Variants in PARD3B observed in about 807,000 individuals in gnomAD.
PARD3B encodes par-3 family cell polarity regulator beta.
PARD3B carries 103 observed loss-of-function variants against 130.2 expected under a neutral mutation model. The observed-to-expected ratio is 0.79, with a 90% CI of 0.67 to 0.93. The LOEUF is 0.93. PARD3B is among the 40% of genes least tolerant of loss of function. The pLI is 0.00. For missense variants in PARD3B, 1,609 were observed against 1,499.2 expected (o/e 1.07, Z -1.21); for synonymous variants, 583 against 553.2 (o/e 1.05, Z -0.76).
intron 2 of PARD3B, among the ~76,000 whole-genome samples, chr2:204,760,490 C>G (rs1158042308): frequency 1.3e-5 from 2 of 151,936 alleles, no homozygotes; most frequent in African/African-American, 4.8e-5. Flanking sequence ...ATTAAAAAAT[C>G]ATGACTTTAC....
chr2:204,784,047 C>G (rs2041927716), intron 2 of PARD3B, among the ~76,000 whole-genome samples: 1 of 151,978 alleles, frequency 6.6e-6, no homozygotes, highest in Non-Finnish European at 1.5e-5. Flanking sequence ...AGAATAGAAT[C>G]AACGACCTAG....
chr2:204,729,955 C>G (rs1437962810), intron 2 of PARD3B, among the ~76,000 whole-genome samples: 1 of 149,556 alleles, frequency 6.7e-6, no homozygotes, highest in South Asian at 2.1e-4. Context: ...TTATGTAAAG[C>G]ATTATTCTTT....
At chr2:205,069,220 A>T (rs1158763394) in intron 4 of PARD3B, among the ~76,000 whole-genome samples, 2 of 152,012 alleles carry the variant, frequency 1.3e-5, no homozygotes, top group African/African-American at 4.8e-5. Context: ...GTAATTTTTC[A>T]TTAAATCCTA....
rs78774559 is a variant in PARD3B at position 204,781,113 on chromosome 2, A to G, written c.222+94831A>G. Among the ~76,000 whole-genome samples, 1,125 of 152,182 alleles carry G rather than the reference A, an allele frequency of 7.4e-3. 12 individuals are homozygous for G. The highest frequency in any genetic ancestry group is 0.026 in the African/African-American group (1,063 of 41,534). ...ATTTCAGTGGTATGTAATGATAATGATTTGCTTCCATGTTACAACATGTGA... is the reference window on the plus strand; with the variant it reads ...ATTTCAGTGGTATGTAATGATAATGGTTTGCTTCCATGTTACAACATGTGA... On this transcript the variant is annotated intron_variant, in intron 2 of 22. Transcript: ENST00000406610.
intron 21 of PARD3B, among the ~76,000 whole-genome samples, chr2:205,523,243 T>G (rs5025556): frequency 1.3e-4 from 19 of 144,322 alleles, no homozygotes; most frequent in African/African-American, 3.3e-4. Context: ...ATATATATAT[T>G]TATATATATA....
intron 18 of PARD3B, among the ~76,000 whole-genome samples, chr2:205,302,921 T>A (rs1453164360): frequency 2.0e-5 from 3 of 152,202 alleles, no homozygotes; most frequent in Non-Finnish European, 2.9e-5. Flanking sequence ...GAGATATGAT[T>A]TCATATGCTA....
rs1490667293 is a variant in PARD3B at position 205,125,787 on chromosome 2, C to T, written c.1434+50C>T. 6.2e-7 allele frequency: 1 copy of T among 1,603,582 alleles called. No homozygotes were observed. The highest frequency in any genetic ancestry group is 2.2e-5 in the East Asian group (1 of 44,704). ...TGAATTTTTAATGCCGAGCTTAATA[C>T]ACTCAATGAACTCATTATAGCTGAG... On this transcript the variant is annotated intron_variant, in intron 10 of 22. Transcript: ENST00000406610. The surrounding 1 kb of genome is among the most constrained non-coding windows in gnomAD (Gnocchi z 4.0).
intron 7 of PARD3B, among the ~76,000 whole-genome samples, 190 bp downstream of exon 7, chr2:205,119,236 A>G (rs970060860): frequency 9.9e-5 from 15 of 152,154 alleles, no homozygotes; most frequent in African/African-American, 3.6e-4. Context: ...TGTCTCTGGC[A>G]GGTCTGAGAA....
chr2:204,554,225 C>T (rs897392072), intron 1 of PARD3B, among the ~76,000 whole-genome samples: 16 of 152,046 alleles, frequency 1.1e-4, no homozygotes, highest in African/African-American at 3.9e-4. Flanking sequence ...TCTCTCTCTG[C>T]TTACAGTAAT....
At chr2:204,827,750 G>T (rs2043640394) in intron 2 of PARD3B, among the ~76,000 whole-genome samples, 1 of 152,204 alleles carries the variant, frequency 6.6e-6, no homozygotes, top group African/African-American at 2.4e-5. Flanking sequence ...TTTTGAAATA[G>T]ATTAAAATTA....
intron 2 of PARD3B, among the ~76,000 whole-genome samples, chr2:204,886,100 G>T (rs1349742103): frequency 6.6e-6 from 1 of 152,078 alleles, no homozygotes; most frequent in African/African-American, 2.4e-5. Flanking sequence ...ATTTGAACAT[G>T]TTCAATTTTG....
chr2:205,602,604 TTA>T (rs1199190226), intron 22 of PARD3B, among the ~76,000 whole-genome samples: 1 of 152,026 alleles, frequency 6.6e-6, no homozygotes, highest in Non-Finnish European at 1.5e-5. Flanking sequence ...CTTGGGAGGG[TTA>T]TGTGTCCAGG....
intron 4 of PARD3B, among the ~76,000 whole-genome samples, chr2:205,095,263 A>G (rs1411249158): frequency 6.6e-6 from 1 of 152,196 alleles, no homozygotes; most frequent in East Asian, 1.9e-4. Flanking sequence ...TGAATGTGGG[A>G]AAGAATCCAA....
At chr2:205,504,572 G>T (rs1187726412) in intron 21 of PARD3B, among the ~76,000 whole-genome samples, 2 of 152,172 alleles carry the variant, frequency 1.3e-5, no homozygotes, top group Admixed American at 1.3e-4. Context: ...ATCAAAAAGT[G>T]GGTGAAGGAT....
At position 205,575,164 on chromosome 2, in the gene PARD3B, A is replaced by C. The variant is rs1390691238; in HGVS notation, c.3260+21761A>C. Among the ~76,000 whole-genome samples the C allele has an allele frequency of 2.0e-5, 3 of 151,902 alleles. No individual in the cohort carries two copies. Among genetic ancestry groups the C allele is most frequent in the African/African-American group, 7.3e-5 (3 of 41,354 alleles). On this transcript the variant is annotated intron_variant, in intron 22 of 22. Transcript: ENST00000406610. The surrounding 1 kb of genome is among the most constrained non-coding windows in gnomAD (Gnocchi z 4.6). Reference sequence around the variant, plus strand: ...TTTTCATGTAAGGTATATATATATTATACACACACATATATATCATATATA... The same window carrying C: ...TTTTCATGTAAGGTATATATATATTCTACACACACATATATATCATATATA...
chr2:204,921,874 C>A (rs1011275279), intron 2 of PARD3B, among the ~76,000 whole-genome samples: 1 of 152,062 alleles, frequency 6.6e-6, no homozygotes, highest in South Asian at 2.1e-4. Flanking sequence ...AGTGGAAGTA[C>A]AAAAGGTGTG....
chr2:205,487,689 C>T (rs1483346783), intron 20 of PARD3B, among the ~76,000 whole-genome samples: 1 of 152,136 alleles, frequency 6.6e-6, no homozygotes, highest in Non-Finnish European at 1.5e-5. Flanking sequence ...TCATGGAGGC[C>T]TAGGAAATTC....
rs550670636 is a variant in PARD3B, at chr2:205,407,809, G to GA, written c.2741+6695dup. Among the ~76,000 whole-genome samples, 8 of 150,836 alleles carry GA rather than the reference G, an allele frequency of 5.3e-5. No individual in the cohort carries two copies. Among genetic ancestry groups the GA allele is most frequent in the East Asian group, 1.9e-4 (1 of 5,156 alleles). ...GTAAATGAAGTTTTCTCCTAAAATT[G>GA]AAAAAAAAATTTTAATAACATGAGT... On this transcript the variant is annotated intron_variant, in intron 19 of 22. Coordinates refer to ENST00000406610, the MANE Select transcript of PARD3B (RefSeq NM_001302769.2). The surrounding 1 kb of genome is among the most constrained non-coding windows in gnomAD (Gnocchi z 4.1).
At chr2:205,606,470 C>T (rs2055003654) in intron 22 of PARD3B, among the ~76,000 whole-genome samples, 1 of 152,060 alleles carries the variant, frequency 6.6e-6, no homozygotes, top group Admixed American at 6.5e-5. Flanking sequence ...AACCTGGATA[C>T]CTCAGTAGCT....
Sources: allele counts gnomAD v4.1 joint callset (sites outside exome capture counted in the v4.1 genomes callset), GRCh38; gene constraint gnomAD v4.1.1; non-coding constraint Gnocchi (gnomAD v3.1); transcripts MANE v1.5; gene names NCBI Gene and HGNC (gene_info 2026-07-23, HGNC 2026-07-21).